The following BNC2 variants were observed in gnomAD, a reference collection of about 807,000 sequenced individuals.
BNC2 encodes the protein basonuclin zinc finger protein 2.
A neutral mutation model predicts 76.3 loss-of-function variants in BNC2; 20 were observed. The observed-to-expected ratio is 0.26, with a 90% CI of 0.18 to 0.38. The LOEUF (loss-of-function observed/expected upper bound fraction) is 0.38. Among genes scored for constraint, BNC2 ranks in the 10% least tolerant of loss-of-function variants. The probability of loss-of-function intolerance (pLI) is 1.00; values close to 1 mark genes in which losing one functional copy is unlikely to be tolerated. For synonymous variants in BNC2, 582 were observed against 514.8 expected, an observed-to-expected ratio of 1.13 and a Z score of -1.77; for missense variants, 1,382 against 1,399.8, an observed-to-expected ratio of 0.99 and a Z score of 0.20.
chr9:16,752,539 G>C (rs528933743), intron 1 of BNC2, among the ~76,000 whole-genome samples: 1 of 152,138 alleles, frequency 6.6e-6, no homozygotes, highest in Non-Finnish European at 1.5e-5. Context: ...AAATTCTTAC[G>C]CAGTCTTAGA....
intron 5 of BNC2, among the ~76,000 whole-genome samples, chr9:16,447,049 G>C (rs1325594109): frequency 6.6e-6 from 1 of 152,096 alleles, no homozygotes; most frequent in Non-Finnish European, 1.5e-5. Context: ...TATTTTTCAA[G>C]TTACCTCGCT....
intron 5 of BNC2, among the ~76,000 whole-genome samples, chr9:16,473,543 T>C (rs1444403795): frequency 6.6e-6 from 1 of 152,188 alleles, no homozygotes; most frequent in African/African-American, 2.4e-5. Flanking sequence ...TGTTCCAATT[T>C]AAAGTATTCA....
In BNC2 at chr9:16,529,807, C is replaced by T. The variant is rs573795455; in HGVS notation, c.669+22723G>A. On this transcript the variant is annotated intron_variant, in intron 5 of 6. Coordinates refer to ENST00000380672, the MANE Select transcript of BNC2 (RefSeq NM_017637.6). Reference sequence around the variant, plus strand: ...CTGTTCCACTAAATAAATCCCCAAACCGAAATCTATGACCTCTCCTTCAAA... The same window carrying T: ...CTGTTCCACTAAATAAATCCCCAAATCGAAATCTATGACCTCTCCTTCAAA... Among the ~76,000 whole-genome samples the T allele has an allele frequency of 4.6e-5, 7 of 152,212 alleles. No homozygotes were observed. The South Asian group carries it at 1.5e-3, about 32-fold the overall frequency.
intron 3 of BNC2, among the ~76,000 whole-genome samples, chr9:16,670,605 A>C (rs540429288): frequency 6.6e-6 from 1 of 152,348 alleles, no homozygotes; most frequent in East Asian, 1.9e-4. Flanking sequence ...TGTTAATAAA[A>C]GGGAAATGCG....
chr9:16,558,395 C>T (rs1818903816), intron 4 of BNC2, among the ~76,000 whole-genome samples: 1 of 152,140 alleles, frequency 6.6e-6, no homozygotes, highest in Non-Finnish European at 1.5e-5. Context: ...GACAATCTGA[C>T]AAATATCTAG....
intron 1 of BNC2, among the ~76,000 whole-genome samples, chr9:16,775,134 A>T (rs1351622774): frequency 6.6e-6 from 1 of 152,236 alleles, no homozygotes; most frequent in Non-Finnish European, 1.5e-5. Flanking sequence ...GACCCTGACC[A>T]CTACAGAATC....
Position 16,437,031 on chromosome 9 carries a change from G to T in BNC2, c.1163C>A (p.Thr388Asn). The T allele has an allele frequency of 6.2e-7, 1 of 1,614,118 alleles. No homozygotes were observed. The highest frequency in any genetic ancestry group is 8.5e-7 in the Non-Finnish European group (1 of 1,180,032). The change falls in exon 6 of 7, where the codon ACC becomes AAC. Residue 388 changes from threonine to asparagine, a missense_variant. Thr to Asn is a moderately conservative substitution (Grantham distance 65). Transcript: ENST00000380672. The stretch of plus-strand genomic sequence containing the variant: ...TTTGGGCTCCACATTAGTAATGCTG[G>T]TCAGGGCATTTCTATTGGGTGTTTG... ...NDQTPNRNAL[T>N]SITNVEPKTE...
chr9:16,615,754 A>G (rs1459383301), intron 3 of BNC2, among the ~76,000 whole-genome samples: 1 of 152,224 alleles, frequency 6.6e-6, no homozygotes, highest in Non-Finnish European at 1.5e-5. Context: ...CTTTTGTTAC[A>G]GAGTTAGCAG....
chr9:16,423,702 G>C (rs192418543), intron 6 of BNC2, among the ~76,000 whole-genome samples: 18 of 152,310 alleles, frequency 1.2e-4, no homozygotes, highest in Admixed American at 1.0e-3. Context: ...CCAAGGAAAG[G>C]TGGTGGCGAC....
intron 3 of BNC2, among the ~76,000 whole-genome samples, chr9:16,693,835 G>C (rs144460197): frequency 1.4e-3 from 211 of 152,306 alleles, no homozygotes; most frequent in African/African-American, 4.7e-3. Flanking sequence ...GCAAACATTA[G>C]AAAGAAATTA....
chr9:16,573,566 G>A (rs1006393751), intron 4 of BNC2, among the ~76,000 whole-genome samples: 14 of 152,084 alleles, frequency 9.2e-5, no homozygotes, highest in African/African-American at 3.4e-4. Flanking sequence ...TAGAATCTAA[G>A]GCCCAAGACT....
chr9:16,562,835 T>A (rs1161625588), intron 4 of BNC2, among the ~76,000 whole-genome samples: 5 of 152,168 alleles, frequency 3.3e-5, no homozygotes, highest in Non-Finnish European at 7.4e-5. Flanking sequence ...CTAACATACT[T>A]CTCATTTCAT....
chr9:16,529,428 T>A (rs977557808), intron 5 of BNC2, among the ~76,000 whole-genome samples: 2 of 152,192 alleles, frequency 1.3e-5, no homozygotes, highest in African/African-American at 2.4e-5. Flanking sequence ...AAAAAGGGGC[T>A]ATGGACAGTT....
At chr9:16,811,762 T>C (rs1002999271) in intron 1 of BNC2, among the ~76,000 whole-genome samples, 1 of 151,908 alleles carries the variant, frequency 6.6e-6, no homozygotes, top group African/African-American at 2.4e-5. Context: ...ACAACACTAG[T>C]GTTGAAAGGA....
intron 5 of BNC2, among the ~76,000 whole-genome samples, chr9:16,514,074 G>T (rs1214792570): frequency 6.6e-6 from 1 of 152,116 alleles, no homozygotes; most frequent in Non-Finnish European, 1.5e-5. Flanking sequence ...GAGATGGCAG[G>T]ATGTCACAGT....
chr9:16,661,068 G>A (rs1007702145), intron 3 of BNC2, among the ~76,000 whole-genome samples: 4 of 152,076 alleles, frequency 2.6e-5, no homozygotes, highest in Non-Finnish European at 5.9e-5. Flanking sequence ...CATTTTAAAT[G>A]TAAGGAAACT....
intron 1 of BNC2, among the ~76,000 whole-genome samples, chr9:16,747,930 T>C (rs1001063583): frequency 1.3e-5 from 2 of 152,222 alleles, no homozygotes; most frequent in Non-Finnish European, 2.9e-5. Flanking sequence ...TTGCCTAACA[T>C]TTGCCTTCTT....
chr9:16,625,296 G>A (rs1200684030), intron 3 of BNC2, among the ~76,000 whole-genome samples: 3 of 152,094 alleles, frequency 2.0e-5, no homozygotes, highest in Non-Finnish European at 4.4e-5. Context: ...AATAGTTGTG[G>A]TAATTCAATC....
At chr9:16,851,344 C>CA (rs58515916) in intron 1 of BNC2, among the ~76,000 whole-genome samples, 18,801 of 142,768 alleles carry the variant, frequency 0.13, 1,480 homozygotes, top group African/African-American at 0.24. Context: ...CTTGTCTCTA[C>CA]AAAAAAAAAA....
Sources: allele counts gnomAD v4.1 joint callset (sites outside exome capture counted in the v4.1 genomes callset), GRCh38; gene constraint gnomAD v4.1.1; transcripts MANE v1.5; gene names NCBI Gene and HGNC (gene_info 2026-07-23, HGNC 2026-07-21).